FLVCR2: variants seen among roughly 807,000 people sequenced by gnomAD.
FLVCR2 encodes the protein FLVCR choline and putative heme transporter 2.
Under a neutral mutation model 48.9 loss-of-function variants are expected in FLVCR2, and 38 were observed. That is an observed-to-expected ratio of 0.78 (90% confidence interval 0.60 to 1.02). The LOEUF (loss-of-function observed/expected upper bound fraction) is 1.02. FLVCR2 is among the 50% of genes least tolerant of loss of function. FLVCR2 has a pLI of 0.00. For missense variants in FLVCR2, 664 were observed against 663.3 expected, an observed-to-expected ratio of 1.00 and a Z score of -0.01; for synonymous variants, 255 against 257.0, an observed-to-expected ratio of 0.99 and a Z score of 0.07.
At chr14:75,594,041 C>T (rs10136327) in intron 1 of FLVCR2, among the ~76,000 whole-genome samples, 20,531 of 152,220 alleles carry the variant, frequency 0.13, 2,698 homozygotes, top group African/African-American at 0.34. Flanking sequence ...ACCAGATATC[C>T]TAGTTCATCA....
rs1365588191 is a variant in FLVCR2 at position 75,646,752 on chromosome 14, G to C, written c.*280G>C. On this transcript the variant is annotated 3_prime_UTR_variant, in exon 10 of 10. Coordinates refer to ENST00000238667, the MANE Select transcript of FLVCR2 (RefSeq NM_017791.3). ...TGGGACAGGGTGGCAGAGAATATTG[G>C]AGTCAATCCTAGCTTGGTCTCTTGC... 2.2e-6 allele frequency: 1 copy of C among 455,494 alleles called. No homozygotes were observed. The highest frequency in any genetic ancestry group is 4.1e-6 in the Non-Finnish European group (1 of 243,482). The allele number at this position is 455,494 out of a possible 1,614,324, so 28.2% of individuals were successfully genotyped here.
intron 1 of FLVCR2, among the ~76,000 whole-genome samples, chr14:75,607,928 G>C (rs1889337461): frequency 6.6e-6 from 1 of 152,096 alleles, no homozygotes; most frequent in Non-Finnish European, 1.5e-5. Context: ...TTAAAAAGTT[G>C]GTTGGGTGTG....
At position 75,578,872 on chromosome 14, in the gene FLVCR2, G is replaced by C; in HGVS notation, c.-101G>C. On this transcript the variant is annotated 5_prime_UTR_variant, in exon 1 of 10. Transcript: ENST00000238667. ...CTAGTCTCTGTTTCTTCTGGAATAG[G>C]CAAGTGTCCTTTCAACTCTAAGAGA... The C allele has an allele frequency of 9.2e-7, 1 of 1,087,346 alleles. No homozygotes were observed. Among genetic ancestry groups the C allele is most frequent in the Non-Finnish European group, 1.4e-6 (1 of 716,570 alleles). The allele number at this position is 1,087,346 out of a possible 1,614,324, so 67.4% of individuals were successfully genotyped here. A position where few individuals can be genotyped will look rare whatever the true frequency, so the allele number is the denominator to read the frequency against.
intron 4 of FLVCR2, 68 bp downstream of exon 4, chr14:75,633,764 C>A: frequency 8.2e-7 from 1 of 1,216,944 alleles, no homozygotes; most frequent in Non-Finnish European, 1.2e-6. Context: ...TTGGCAGGAC[C>A]TGGGATGACC....
intron 1 of FLVCR2, among the ~76,000 whole-genome samples, chr14:75,608,720 C>T (rs1408474632): frequency 1.4e-4 from 22 of 152,160 alleles, no homozygotes; most frequent in Non-Finnish European, 2.9e-5. Flanking sequence ...TTGCAGTTTC[C>T]GTTCGACAAG....
At chr14:75,603,185 C>T (rs1291836549) in intron 1 of FLVCR2, among the ~76,000 whole-genome samples, 1 of 152,082 alleles carries the variant, frequency 6.6e-6, no homozygotes, top group East Asian at 1.9e-4. Context: ...TGGCGAGGGC[C>T]CCACCCTCAA....
chr14:75,613,868 G>C (rs1889532937), intron 1 of FLVCR2, among the ~76,000 whole-genome samples: 1 of 152,138 alleles, frequency 6.6e-6, no homozygotes, highest in South Asian at 2.1e-4. Flanking sequence ...GAGCTTTAGA[G>C]GGGACAACAT....
At chr14:75,610,540 ATC>A (rs1889415770) in intron 1 of FLVCR2, among the ~76,000 whole-genome samples, 1 of 151,986 alleles carries the variant, frequency 6.6e-6, no homozygotes, top group African/African-American at 2.4e-5. Flanking sequence ...AGCCTAGTGT[ATC>A]TCTGCTCTTC....
intron 1 of FLVCR2, among the ~76,000 whole-genome samples, chr14:75,589,673 G>T (rs545724434): frequency 6.6e-6 from 1 of 152,216 alleles, no homozygotes; most frequent in Non-Finnish European, 1.5e-5. Context: ...ACAAGTCTCT[G>T]CCTGAGCCCC....
At chr14:75,603,383 C>T (rs374836219) in intron 1 of FLVCR2, among the ~76,000 whole-genome samples, 9 of 152,184 alleles carry the variant, frequency 5.9e-5, no homozygotes, top group East Asian at 5.8e-4. Flanking sequence ...TTTAGAGAGA[C>T]GGCTGGACAG....
chr14:75,623,627 C>T (rs1162081367), intron 2 of FLVCR2, among the ~76,000 whole-genome samples: 1 of 151,792 alleles, frequency 6.6e-6, no homozygotes, highest in African/African-American at 2.4e-5. Flanking sequence ...GCTGCTTTTC[C>T]ATCATGTGTT....
chr14:75,644,078 C>G (rs1221904286), intron 9 of FLVCR2, among the ~76,000 whole-genome samples: 1 of 151,068 alleles, frequency 6.6e-6, no homozygotes, highest in Non-Finnish European at 1.5e-5. Context: ...ATTTGGTACA[C>G]TTGGGTAAAT....
At chr14:75,592,988 C>G (rs2140010393) in intron 1 of FLVCR2, among the ~76,000 whole-genome samples, 1 of 152,340 alleles carries the variant, frequency 6.6e-6, no homozygotes, top group East Asian at 1.9e-4. Context: ...ACGCTACTTT[C>G]CTTCATCAGA....
chr14:75,607,182 C>T (rs527513214), intron 1 of FLVCR2, among the ~76,000 whole-genome samples: 2 of 152,224 alleles, frequency 1.3e-5, no homozygotes, highest in African/African-American at 2.4e-5. Flanking sequence ...AGCAAGAATG[C>T]CTGCCTCACA....
At chr14:75,624,527 T>C in intron 2 of FLVCR2, 85 bp from the exon 3 acceptor site, 1 of 1,473,650 alleles carries the variant, frequency 6.8e-7, no homozygotes, top group Non-Finnish European at 9.5e-7. Flanking sequence ...TCTCAGATGA[T>C]GGAGCAGCTT....
chr14:75,633,659 C>T lies in FLVCR2; in HGVS notation c.983C>T (p.Ser328Phe). The T allele has an allele frequency of 1.9e-6, 3 of 1,614,052 alleles. No homozygotes were observed. The highest frequency in any genetic ancestry group is 2.5e-6 in the Non-Finnish European group (3 of 1,179,902). Residue 328 changes from serine to phenylalanine, a missense_variant, in exon 4 of 10, where the codon TCC becomes TTC. By Grantham distance (155) the Ser-to-Phe change is radical. Coordinates refer to ENST00000238667, the MANE Select transcript of FLVCR2 (RefSeq NM_017791.3). ...AATGCTGGTGCTTTTTATGCCTTGT[C>T]CACTCTTCTGAATCGCATGGTGATC... ...GLNAGAFYAL[S>F]TLLNRMVIWH...
chr14:75,628,319 T>A (rs1383419409), intron 3 of FLVCR2, among the ~76,000 whole-genome samples: 22 of 152,134 alleles, frequency 1.4e-4, no homozygotes, highest in Admixed American at 1.4e-3. Flanking sequence ...TTCACCATGT[T>A]GACCAGGCTG....
intron 1 of FLVCR2, among the ~76,000 whole-genome samples, chr14:75,581,729 A>C (rs1400036676): frequency 6.6e-6 from 1 of 152,218 alleles, no homozygotes; most frequent in Non-Finnish European, 1.5e-5. Flanking sequence ...TCAATTTGCC[A>C]GTCCTGGGCG....
In FLVCR2 at chr14:75,622,187, G is replaced by A. The variant is rs745502188; in HGVS notation, c.778G>A (p.Val260Met). 15 of 1,613,866 alleles carry A rather than the reference G, an allele frequency of 9.3e-6. No homozygotes were observed. Among genetic ancestry groups the A allele is most frequent in the Non-Finnish European group, 1.1e-5 (13 of 1,179,792 alleles). ...ISIMFYIIGG[V>M]ATLLLILVII... ...CATCATGTTCTATATAATAGGAGGT[G>A]TGGCCACTCTCCTCCTCATCCTTGT... The change falls in exon 2 of 10, where the codon GTG becomes ATG. Residue 260 changes from valine (V) to methionine (M), a missense_variant. Physicochemically the swap from Val to Met is conservative, Grantham distance 21. Coordinates refer to ENST00000238667, the MANE Select transcript of FLVCR2 (RefSeq NM_017791.3).
Sources: allele counts gnomAD v4.1 joint callset (sites outside exome capture counted in the v4.1 genomes callset), GRCh38; gene constraint gnomAD v4.1.1; transcripts MANE v1.5; gene names NCBI Gene and HGNC (gene_info 2026-07-23, HGNC 2026-07-21).